The following PHACTR2 variants were observed in gnomAD, a reference collection of about 807,000 sequenced individuals.
PHACTR2 encodes the protein chromosome 6 open reading frame 56.
PHACTR2 carries 30 observed loss-of-function variants against 76.0 expected under a neutral mutation model. The ratio of observed to expected loss-of-function variants is 0.39; its 90% CI spans 0.30 to 0.54. PHACTR2 has a LOEUF of 0.54. PHACTR2 is among the 20% of genes least tolerant of loss of function. The probability of loss-of-function intolerance (pLI) is 0.61; values close to 1 mark genes in which losing one functional copy is unlikely to be tolerated. For missense variants in PHACTR2, 696 were observed against 781.1 expected, an observed-to-expected ratio of 0.89 and a Z score of 1.30; for synonymous variants, 292 against 292.5, an observed-to-expected ratio of 1.00 and a Z score of 0.02.
In PHACTR2 at chr6:143,807,752, C is replaced by T. The variant is rs556966272; in HGVS notation, c.1922+619C>T. Among the ~76,000 whole-genome samples, 1 of 152,184 alleles carries T rather than the reference C, an allele frequency of 6.6e-6. No individual in the cohort carries two copies. The highest frequency in any genetic ancestry group is 1.5e-5 in the Non-Finnish European group (1 of 68,036). ...TACTGGTGACGAAGGAGATCGCTAT[C>T]ATCTTACCATTTTTCCCTCAGTCCC... On this transcript the variant is annotated intron_variant, in intron 12 of 12. Coordinates refer to ENST00000440869, the MANE Select transcript of PHACTR2 (RefSeq NM_001100164.2). The surrounding 1 kb of genome is among the most constrained non-coding windows in gnomAD (Gnocchi z 5.5).
Position 143,755,555 on chromosome 6 carries a change from G to C in PHACTR2, c.454+1643G>C. 3.1e-6 allele frequency: 1 copy of C among 322,952 alleles called. No individual in the cohort carries two copies. 20.0% of individuals were successfully genotyped at this position (322,952 alleles called of 1,614,324 possible). On this transcript the variant is annotated intron_variant, in intron 4 of 12. Transcript: ENST00000440869. The surrounding 1 kb of genome is among the most constrained non-coding windows in gnomAD (Gnocchi z 5.2). ...AAGATAGCAGACCTTATGGGTCCAT[G>C]AATAGTTGAGAGATGTTTTTCTTTG... is the stretch of plus-strand genomic sequence containing the variant.
At chr6:143,747,413 T>C (rs1043668039) in intron 2 of PHACTR2, among the ~76,000 whole-genome samples, 5 of 152,234 alleles carry the variant, frequency 3.3e-5, no homozygotes, top group African/African-American at 1.2e-4. Context: ...CCTCCCACCC[T>C]GTCTCCTATC....
intron 1 of PHACTR2, among the ~76,000 whole-genome samples, chr6:143,686,152 A>G (rs903830922): frequency 2.0e-5 from 3 of 150,816 alleles, no homozygotes; most frequent in African/African-American, 7.3e-5. Flanking sequence ...AAAAAAGTGC[A>G]CTTAGACTAC....
intron 1 of PHACTR2, among the ~76,000 whole-genome samples, chr6:143,628,674 C>T (rs1221585775): frequency 6.6e-6 from 1 of 151,876 alleles, no homozygotes; most frequent in Non-Finnish European, 1.5e-5. Context: ...ATCATGTCTG[C>T]AAAGTTCCTT....
In PHACTR2 at chr6:143,822,940, G is replaced by A. The variant is rs1374262487; in HGVS notation, c.1923-734G>A. Among the ~76,000 whole-genome samples, 1 of 152,252 alleles carries A rather than the reference G, an allele frequency of 6.6e-6. No individual in the cohort carries two copies. Among genetic ancestry groups the A allele is most frequent in the African/African-American group, 2.4e-5 (1 of 41,462 alleles). On this transcript the variant is annotated intron_variant, in intron 12 of 12. Coordinates refer to ENST00000440869, the MANE Select transcript of PHACTR2 (RefSeq NM_001100164.2). This position sits in a 1 kb window ranked among gnomAD's most constrained non-coding sequence, Gnocchi z 5.5. ...GCTGGCTAACAAGCATACCGTAAAAGTAGTGCCAGCAAAAGATGGAACTTT... is the reference window on the plus strand; with the variant it reads ...GCTGGCTAACAAGCATACCGTAAAAATAGTGCCAGCAAAAGATGGAACTTT...
At chr6:143,745,578 AATGTGCTCTGCAAAC>A (rs1779041910) in intron 2 of PHACTR2, among the ~76,000 whole-genome samples, 1 of 152,240 alleles carries the variant, frequency 6.6e-6, no homozygotes, top group Non-Finnish European at 1.5e-5. Flanking sequence ...GTGTCCAGTG[AATGTGCTCTGCAAAC>A]ATGCAGGCAC....
rs1323825983 is a variant in PHACTR2 at position 143,553,449 on chromosome 6, C to T, written c.217+16242C>T. Among the ~76,000 whole-genome samples, 1 of 152,160 alleles carries T rather than the reference C, an allele frequency of 6.6e-6. No homozygotes were observed. Among genetic ancestry groups the T allele is most frequent in the African/African-American group, 2.4e-5 (1 of 41,430 alleles). ...AGAGGGGAGTTGGTGCATGTAAACC[C>T]AGCTGGGTTTGTTAACTGGTGCTTA... On this transcript the variant is annotated intron_variant, in intron 1 of 11. Coordinates refer to the PHACTR2 transcript ENST00000367584. This position sits in a 1 kb window ranked among gnomAD's most constrained non-coding sequence, Gnocchi z 4.2.
chr6:143,792,835 A>G (rs1775724789), intron 11 of PHACTR2, among the ~76,000 whole-genome samples: 1 of 152,144 alleles, frequency 6.6e-6, no homozygotes, highest in Non-Finnish European at 1.5e-5. Flanking sequence ...CAAGAGAACC[A>G]GGTAAAAGCT....
At position 143,558,501 on chromosome 6, in the gene PHACTR2, A is replaced by G. The variant is rs1775213915; in HGVS notation, c.217+21294A>G. Among the ~76,000 whole-genome samples, 1 of 152,210 alleles carries G rather than the reference A, an allele frequency of 6.6e-6. No individual in the cohort carries two copies. The highest frequency in any genetic ancestry group is 1.5e-5 in the Non-Finnish European group (1 of 68,042). On this transcript the variant is annotated intron_variant, in intron 1 of 11. Coordinates refer to the PHACTR2 transcript ENST00000367584. The surrounding 1 kb of genome is among the most constrained non-coding windows in gnomAD (Gnocchi z 4.7). ...CTAGGTTTTAAAAAAATTGAGTGTC[A>G]GATCTGTTATGAGGATGAAATTAAC...
chr6:143,661,191 T>C (rs1273720943), intron 1 of PHACTR2, among the ~76,000 whole-genome samples: 1 of 152,214 alleles, frequency 6.6e-6, no homozygotes, highest in African/African-American at 2.4e-5. Flanking sequence ...GTAAAAATTA[T>C]CACCTAAAGT....
intron 1 of PHACTR2, among the ~76,000 whole-genome samples, chr6:143,569,593 T>C (rs969105661): frequency 1.3e-5 from 2 of 152,228 alleles, no homozygotes; most frequent in African/African-American, 4.8e-5. Flanking sequence ...TTAGATTATA[T>C]TGCCATATTT....
chr6:143,649,329 TAAC>T (rs1469960263), intron 1 of PHACTR2, among the ~76,000 whole-genome samples: 3 of 152,162 alleles, frequency 2.0e-5, no homozygotes, highest in Non-Finnish European at 4.4e-5. Context: ...TGGTAAACAC[TAAC>T]TAATTCTATG....
chr6:143,611,171 C>G lies in PHACTR2; in HGVS notation c.13+2849C>G, dbSNP rs551187649. ...AGAGTACTGTTAAAAAAAAAAAGTT[C>G]TGCAGAATTTATTGTGTTGGGTTTT... On this transcript the variant is annotated intron_variant, in intron 1 of 11. Transcript: ENST00000305766. The surrounding 1 kb of genome is among the most constrained non-coding windows in gnomAD (Gnocchi z 4.4). Among the ~76,000 whole-genome samples the G allele has an allele frequency of 6.6e-6, 1 of 151,938 alleles. No homozygotes were observed. The highest frequency in any genetic ancestry group is 6.6e-5 in the Admixed American group (1 of 15,260).
At chr6:143,694,792 A>G (rs1236746133) in intron 1 of PHACTR2, among the ~76,000 whole-genome samples, 1 of 152,240 alleles carries the variant, frequency 6.6e-6, no homozygotes, top group African/African-American at 2.4e-5. Flanking sequence ...CATTACGACT[A>G]ACTGCATTTG....
rs557263086 is a variant in PHACTR2, at chr6:143,813,535, G to A, written c.1922+6402G>A. Among the ~76,000 whole-genome samples, 1,476 of 149,832 alleles carry A rather than the reference G, an allele frequency of 9.9e-3. 21 individuals carry two copies. Among genetic ancestry groups the A allele is most frequent in the African/African-American group, 0.034 (1,394 of 40,664 alleles). The stretch of plus-strand genomic sequence containing the variant: ...CCAGAGGCTGAGGCGGGAGAATGCC[G>A]TGAACCCGGGAGGCGGAGCTTGCAG... On this transcript the variant is annotated intron_variant, in intron 12 of 12. Coordinates refer to ENST00000440869, the MANE Select transcript of PHACTR2 (RefSeq NM_001100164.2).
In PHACTR2 at chr6:143,654,398, A is replaced by C. The variant is rs911477949; in HGVS notation, c.13+46076A>C. Among the ~76,000 whole-genome samples, 1 of 152,244 alleles carries C rather than the reference A, an allele frequency of 6.6e-6. No homozygotes were observed. The highest frequency in any genetic ancestry group is 1.5e-5 in the Non-Finnish European group (1 of 68,038). On this transcript the variant is annotated intron_variant, in intron 1 of 11. Transcript: ENST00000305766. This position sits in a 1 kb window ranked among gnomAD's most constrained non-coding sequence, Gnocchi z 4.6. ...CCAGAAACTTGTTTATGAAGTGCAG[A>C]GCAGCATTATTCTTAACAGCCTAAA...
intron 2 of PHACTR2, among the ~76,000 whole-genome samples, chr6:143,744,898 A>G (rs1283476297): frequency 1.3e-5 from 2 of 152,222 alleles, no homozygotes; most frequent in East Asian, 1.9e-4. Context: ...CAAAACATCA[A>G]TTAGCCCAAT....
At chr6:143,673,094 C>T (rs936414631), upstream of PHACTR2, among the ~76,000 whole-genome samples, 2 of 152,120 alleles carry the variant, frequency 1.3e-5, no homozygotes, top group Non-Finnish European at 2.9e-5. Flanking sequence ...CACCCTCCAC[C>T]GTACCCATAC....
chr6:143,738,180 G>T lies in PHACTR2; in HGVS notation c.215-10805G>T, dbSNP rs1778861588. Among the ~76,000 whole-genome samples the T allele has an allele frequency of 2.6e-5, 4 of 152,128 alleles. No homozygotes were observed. The stretch of plus-strand genomic sequence containing the variant: ...TAATCCTAGCACTTTGGGAGTCCTA[G>T]GCAGGCGGATCACAAGGTCAGGAGT... On this transcript the variant is annotated intron_variant, in intron 2 of 12. Coordinates refer to ENST00000440869, the MANE Select transcript of PHACTR2 (RefSeq NM_001100164.2). The surrounding 1 kb of genome is among the most constrained non-coding windows in gnomAD (Gnocchi z 4.0).
Sources: gnomAD v4.1 joint callset for allele counts (sites outside exome capture counted in the v4.1 genomes callset) on GRCh38, gnomAD v4.1.1 for gene constraint, Gnocchi (gnomAD v3.1) non-coding constraint, MANE v1.5 for transcripts, NCBI Gene and HGNC (gene_info 2026-07-23, HGNC 2026-07-21) for gene names.